Variants in NPAS3 observed in about 807,000 individuals in gnomAD.
NPAS3 encodes the protein neuronal PAS domain protein 3.
NPAS3 carries 14 observed loss-of-function variants against 73.1 expected under a neutral mutation model. The observed-to-expected ratio is 0.19, with a 90% CI of 0.13 to 0.30. The LOEUF (loss-of-function observed/expected upper bound fraction) is 0.30, where lower values mean the gene tolerates loss of function less well. NPAS3 is among the 10% of genes least tolerant of loss of function. The pLI is 1.00. For missense variants in NPAS3, 1,096 were observed against 1,250.0 expected (o/e 0.88, Z 1.86); for synonymous variants, 620 against 541.5 (o/e 1.14, Z -2.01).
intron 4 of NPAS3, among the ~76,000 whole-genome samples, chr14:33,467,901 C>T (rs1030183025): frequency 1.3e-5 from 2 of 152,272 alleles, no homozygotes; most frequent in African/African-American, 4.8e-5. Flanking sequence ...GCAACACGCA[C>T]GTCAGAAGAG....
chr14:33,604,155 C>A (rs1479252931), intron 5 of NPAS3, among the ~76,000 whole-genome samples: 1 of 151,838 alleles, frequency 6.6e-6, no homozygotes, highest in Non-Finnish European at 1.5e-5. Flanking sequence ...AGATTTAAAC[C>A]TGATCGTATA....
At chr14:33,744,537 C>T (rs1376419838) in intron 7 of NPAS3, among the ~76,000 whole-genome samples, 8 of 151,820 alleles carry the variant, frequency 5.3e-5, no homozygotes, top group South Asian at 4.2e-4. Context: ...CCTGTAATCC[C>T]GGCATTCTGG....
chr14:33,068,668 A>G (rs1171008815), intron 2 of NPAS3, among the ~76,000 whole-genome samples: 1 of 152,212 alleles, frequency 6.6e-6, no homozygotes, highest in African/African-American at 2.4e-5. Context: ...AGAAGGATTT[A>G]GGAGTCCTGG....
At chr14:33,400,492 G>A (rs954999656) in intron 4 of NPAS3, among the ~76,000 whole-genome samples, 43 of 152,190 alleles carry the variant, frequency 2.8e-4, no homozygotes, top group African/African-American at 1.0e-3. Context: ...TTAACTAAAG[G>A]CGAAGACTGG....
chr14:33,158,321 C>G (rs923601907), intron 2 of NPAS3, among the ~76,000 whole-genome samples: 3 of 152,068 alleles, frequency 2.0e-5, no homozygotes, highest in Admixed American at 6.5e-5. Flanking sequence ...TTTAACAGGC[C>G]CCCCACATGA....
chr14:33,256,444 T>G (rs2048784400), intron 3 of NPAS3, among the ~76,000 whole-genome samples: 2 of 152,326 alleles, frequency 1.3e-5, no homozygotes, highest in South Asian at 4.1e-4. Flanking sequence ...AATTTAAATC[T>G]AAGAAATGGT....
At chr14:33,462,451 G>A (rs1304578707) in intron 4 of NPAS3, among the ~76,000 whole-genome samples, 1 of 152,176 alleles carries the variant, frequency 6.6e-6, no homozygotes, top group East Asian at 1.9e-4. Flanking sequence ...CCTACAAGCT[G>A]ACATGTTTAA....
chr14:32,945,956 T>C (rs2036233007), intron 1 of NPAS3, among the ~76,000 whole-genome samples: 1 of 152,206 alleles, frequency 6.6e-6, no homozygotes, highest in African/African-American at 2.4e-5. Context: ...CCTCTTCTGC[T>C]CATATAATTC....
chr14:33,486,702 T>C (rs1422233530), intron 4 of NPAS3, among the ~76,000 whole-genome samples: 1 of 152,176 alleles, frequency 6.6e-6, no homozygotes, highest in Non-Finnish European at 1.5e-5. Context: ...TGACCCAGCA[T>C]GCTGAGGGGC....
chr14:33,687,732 A>G (rs2060128399), intron 6 of NPAS3, among the ~76,000 whole-genome samples: 1 of 152,232 alleles, frequency 6.6e-6, no homozygotes, highest in South Asian at 2.1e-4. Flanking sequence ...TAGGTACACA[A>G]AACATTCATT....
chr14:33,152,291 C>CCATT (rs1226929337), intron 2 of NPAS3, among the ~76,000 whole-genome samples: 1 of 152,058 alleles, frequency 6.6e-6, no homozygotes, highest in East Asian at 1.9e-4. Flanking sequence ...TTCATCAGAG[C>CCATT]CATTGGTGTT....
At chr14:33,415,529 T>A (rs1239905939) in intron 4 of NPAS3, among the ~76,000 whole-genome samples, 1 of 152,140 alleles carries the variant, frequency 6.6e-6, no homozygotes, top group Non-Finnish European at 1.5e-5. Flanking sequence ...TCCCAGTAGT[T>A]GGTATGTAAA....
At chr14:33,036,964 G>A (rs1397701878) in intron 1 of NPAS3, among the ~76,000 whole-genome samples, 1 of 152,142 alleles carries the variant, frequency 6.6e-6, no homozygotes, top group Admixed American at 6.5e-5. Context: ...TGTGGATGCA[G>A]TTGAAAGCTA....
intron 1 of NPAS3, among the ~76,000 whole-genome samples, chr14:32,948,011 A>T (rs1260102363): frequency 6.6e-6 from 1 of 152,156 alleles, no homozygotes; most frequent in Non-Finnish European, 1.5e-5. Context: ...TAACCTGCAG[A>T]ATGCACAGCA....
chr14:33,692,938 C>T (rs927794335), intron 6 of NPAS3, among the ~76,000 whole-genome samples: 4 of 146,616 alleles, frequency 2.7e-5, no homozygotes, highest in African/African-American at 1.0e-4. Context: ...GAACTTGTAG[C>T]AAAGTGAATT....
intron 2 of NPAS3, among the ~76,000 whole-genome samples, chr14:33,142,800 C>G (rs1211960599): frequency 2.0e-5 from 3 of 152,148 alleles, no homozygotes; most frequent in Non-Finnish European, 4.4e-5. Context: ...TTTGGCAGTT[C>G]TCTTGATTTC....
In NPAS3 at chr14:32,971,454, T is replaced by G. The variant is rs142672897; in HGVS notation, c.50+32088T>G. Among the ~76,000 whole-genome samples the G allele has an allele frequency of 1.4e-3, 218 of 152,312 alleles. 2 individuals carry two copies. The East Asian group carries it at 0.023, about 16-fold the overall frequency. On this transcript the variant is annotated intron_variant, in intron 1 of 11. Coordinates refer to ENST00000356141, the Ensembl canonical transcript of NPAS3. ...ATAAAGATAGTTTTTAAGGCATCTT[T>G]TAATGAAATGGATAAGCTTTGAAAA...
intron 4 of NPAS3, among the ~76,000 whole-genome samples, chr14:33,408,153 C>A (rs1311148848): frequency 1.3e-5 from 2 of 152,108 alleles, no homozygotes. Flanking sequence ...TCATTTTACC[C>A]CAATTCATCA....
At chr14:33,380,015 T>G (rs921091815) in intron 4 of NPAS3, among the ~76,000 whole-genome samples, 2 of 150,218 alleles carry the variant, frequency 1.3e-5, no homozygotes, top group African/African-American at 4.9e-5. Flanking sequence ...TGTGTGTAAA[T>G]ACCTCTTTAA....
Sources: allele counts gnomAD v4.1 joint callset (sites outside exome capture counted in the v4.1 genomes callset), GRCh38; gene constraint gnomAD v4.1.1; transcripts MANE v1.5; gene names NCBI Gene and HGNC (gene_info 2026-07-23, HGNC 2026-07-21).